Variants in PDGFRA observed in about 807,000 individuals in gnomAD.
The protein encoded by PDGFRA is platelet-derived growth factor receptor alpha.
Under a neutral mutation model 121.5 loss-of-function variants are expected in PDGFRA, and 25 were observed. The ratio of observed to expected loss-of-function variants is 0.21; its 90% CI spans 0.15 to 0.29. PDGFRA has a LOEUF of 0.29. Ranked by LOEUF, PDGFRA falls within the 10% of genes least tolerant of loss-of-function variation. The pLI is 1.00. For synonymous variants in PDGFRA, 463 were observed against 494.8 expected (o/e 0.94, Z 0.85); for missense variants, 1,008 against 1,345.1 (o/e 0.75, Z 3.92).
chr4:54,274,942 A>G lies in PDGFRA; in HGVS notation c.1755A>G (p.Arg585=), dbSNP rs1321255366. 6.2e-7 allele frequency: 1 copy of G among 1,614,062 alleles called. No homozygotes were observed. Among genetic ancestry groups the G allele is most frequent in the African/African-American group, 1.3e-5 (1 of 74,942 alleles). ...VDPMQLPYDS[R]WEFPRDGLVL... ...CGATGCAGCTGCCTTATGACTCAAG[A>G]TGGGAGTTTCCAAGAGATGGACTAG... is the stretch of plus-strand genomic sequence containing the variant. Residue 585 remains arginine (R), a synonymous_variant, in exon 12 of 23, where the codon AGA becomes AGG. Coordinates refer to ENST00000257290, the MANE Select transcript of PDGFRA (RefSeq NM_006206.6).
At chr4:54,245,366 C>T (rs1307173676) in intron 1 of PDGFRA, among the ~76,000 whole-genome samples, 1 of 152,184 alleles carries the variant, frequency 6.6e-6, no homozygotes, top group East Asian at 1.9e-4. Flanking sequence ...GTGGATCTCT[C>T]AGCAGAAACT....
At chr4:54,258,023 C>T (rs1722467897) in intron 1 of PDGFRA, among the ~76,000 whole-genome samples, 1 of 152,174 alleles carries the variant, frequency 6.6e-6, no homozygotes, top group African/African-American at 2.4e-5. Context: ...AATGAATGAT[C>T]AGCCTCCTTC....
intron 1 of PDGFRA, among the ~76,000 whole-genome samples, chr4:54,251,058 T>G (rs1577691833): frequency 9.1e-6 from 1 of 109,860 alleles, no homozygotes; most frequent in African/African-American, 3.6e-5. Context: ...AGAGGGAAAC[T>G]CCGTCTCAAA....
Position 54,296,060 on chromosome 4 carries a change from A to T in PDGFRA, c.*788A>T. The T allele has an allele frequency of 4.3e-6, 1 of 232,620 alleles. No homozygotes were observed. The highest frequency in any genetic ancestry group is 8.5e-6 in the Non-Finnish European group (1 of 117,460). 14.4% of individuals were successfully genotyped at this position (232,620 alleles called of 1,614,324 possible). A position where few individuals can be genotyped will look rare whatever the true frequency, so the allele number is the denominator to read the frequency against. On this transcript the variant is annotated 3_prime_UTR_variant, in exon 23 of 23. Coordinates refer to ENST00000257290, the MANE Select transcript of PDGFRA (RefSeq NM_006206.6). Reference sequence around the variant, plus strand: ...TTGACAGTTTTTGACATTTATATTAAATAACATGTTTCTCTATAAAGTATG... The same window carrying T: ...TTGACAGTTTTTGACATTTATATTATATAACATGTTTCTCTATAAAGTATG...
chr4:54,278,862 T>C, intron 15 of PDGFRA: 1 of 484,684 alleles, frequency 2.1e-6, no homozygotes, highest in Non-Finnish European at 4.1e-6. Context: ...GCAAGAACTG[T>C]CTGTGGATCT....
chr4:54,245,518 G>C (rs1246186613), intron 1 of PDGFRA, among the ~76,000 whole-genome samples: 1 of 152,208 alleles, frequency 6.6e-6, no homozygotes, highest in Non-Finnish European at 1.5e-5. Context: ...AATGCTGAGA[G>C]ATTCTGTCAC....
At chr4:54,248,037 T>A (rs1232114700) in intron 1 of PDGFRA, among the ~76,000 whole-genome samples, 2 of 152,098 alleles carry the variant, frequency 1.3e-5, no homozygotes, top group African/African-American at 4.8e-5. Context: ...CTTCAAGAAC[T>A]ACAAACCACT....
chr4:54,231,272 C>T (rs1720648840), intron 1 of PDGFRA, among the ~76,000 whole-genome samples: 1 of 152,248 alleles, frequency 6.6e-6, no homozygotes, highest in Middle Eastern at 3.2e-3. Flanking sequence ...TCCGAAAAGC[C>T]GCGGGCTGGG....
chr4:54,232,666 C>T (rs1372263788), intron 1 of PDGFRA, among the ~76,000 whole-genome samples: 1 of 152,224 alleles, frequency 6.6e-6, no homozygotes, highest in African/African-American at 2.4e-5. Context: ...CTCACTGCAA[C>T]CTCTGCCTCC....
chr4:54,232,736 C>T (rs922279089), intron 1 of PDGFRA, among the ~76,000 whole-genome samples: 2 of 152,226 alleles, frequency 1.3e-5, no homozygotes, highest in Non-Finnish European at 2.9e-5. Flanking sequence ...AGGTGCCCGC[C>T]ACCACGCCAG....
At chr4:54,285,709 T>C in intron 17 of PDGFRA, 132 bp from the exon 18 acceptor site, 1 of 993,774 alleles carries the variant, frequency 1.0e-6, no homozygotes. Context: ...AGTGAGAACC[T>C]GGGAGAAGGC....
chr4:54,285,173 G>A (rs767729417), intron 16 of PDGFRA, among the ~76,000 whole-genome samples, 198 bp from the exon 17 acceptor site: 6 of 152,014 alleles, frequency 3.9e-5, no homozygotes, highest in Non-Finnish European at 5.9e-5. Context: ...TGGGATTATA[G>A]GCATAAGCCA....
intron 22 of PDGFRA, among the ~76,000 whole-genome samples, chr4:54,293,736 T>A (rs1372986108): frequency 1.3e-5 from 2 of 152,166 alleles, no homozygotes; most frequent in Non-Finnish European, 2.9e-5. Context: ...CGGCCTAGAT[T>A]CTTTAACTCA....
At chr4:54,273,494 C>A (rs2110290998) in intron 9 of PDGFRA, 43 bp from the exon 10 acceptor site, 1 of 1,516,194 alleles carries the variant, frequency 6.6e-7, no homozygotes, top group Non-Finnish European at 9.2e-7. Flanking sequence ...ATTGCCATGA[C>A]TCTCAGGAAT....
chr4:54,272,282 C>G lies in PDGFRA; in HGVS notation c.1238-112C>G, dbSNP rs116011684. 2.2e-3 allele frequency: 2,447 copies of G among 1,121,384 alleles called. 36 individuals carry two copies. The African/African-American group carries it at 0.031, about 14-fold the overall frequency. The allele number at this position is 1,121,384 out of a possible 1,614,324, so 69.5% of individuals were successfully genotyped here. The stretch of plus-strand genomic sequence containing the variant: ...CTTGTACAACTGGTTTCAGCCCCTC[C>G]GGAGTGTTTTGAATGCCATGTAGAT... On this transcript the variant is annotated intron_variant, in intron 8 of 22. Transcript: ENST00000257290.
chr4:54,273,576 T>A lies in PDGFRA; in HGVS notation c.1404T>A (p.Asn468Lys), dbSNP rs1207731107. ...CTTCCTGGACTATTTTGGCCAACAA[T>A]GTCTCAAACATCATCACGGAGATCC... Reference protein sequence around the residue: ...NETSWTILANNVSNIITEIHS... With the variant: ...NETSWTILANKVSNIITEIHS... The change falls in exon 10 of 23, where the codon AAT (asparagine) becomes AAA (lysine). Residue 468 changes from asparagine (N) to lysine (K), a missense_variant. Asn to Lys is a moderately conservative substitution (Grantham distance 94). Coordinates refer to ENST00000257290, the MANE Select transcript of PDGFRA (RefSeq NM_006206.6). The A allele has an allele frequency of 1.2e-6, 2 of 1,614,152 alleles. No individual in the cohort carries two copies. Among genetic ancestry groups the A allele is most frequent in the South Asian group, 2.2e-5 (2 of 91,076 alleles).
intron 1 of PDGFRA, among the ~76,000 whole-genome samples, chr4:54,255,068 A>G (rs1722285197): frequency 6.6e-6 from 1 of 152,130 alleles, no homozygotes; most frequent in Non-Finnish European, 1.5e-5. Flanking sequence ...CAGCTTTTGC[A>G]TCACACAGGC....
At chr4:54,255,906 GAGTCCTATT>G (rs1347750395) in intron 1 of PDGFRA, among the ~76,000 whole-genome samples, 1 of 152,094 alleles carries the variant, frequency 6.6e-6, no homozygotes, top group Non-Finnish European at 1.5e-5. Context: ...GGAACAAATT[GAGTCCTATT>G]AGGCCCACTC....
chr4:54,274,690 T>A (rs2110297760), intron 11 of PDGFRA, 65 bp downstream of exon 11: 1 of 1,460,528 alleles, frequency 6.8e-7, no homozygotes, highest in East Asian at 2.3e-5. Context: ...GCAACCTAGT[T>A]CAGTGCTTGG....
Sources: gnomAD v4.1 joint callset for allele counts (sites outside exome capture counted in the v4.1 genomes callset) on GRCh38, gnomAD v4.1.1 for gene constraint, MANE v1.5 for transcripts, NCBI Gene and HGNC (gene_info 2026-07-23, HGNC 2026-07-21) for gene names.